COG5: variants seen among roughly 807,000 people sequenced by gnomAD.
COG5 encodes the protein conserved oligomeric Golgi complex subunit 5.
Under a neutral mutation model 110.4 loss-of-function variants are expected in COG5, and 86 were observed. The observed-to-expected ratio is 0.78, with a 90% CI of 0.65 to 0.93. COG5 has a LOEUF of 0.93. Among genes scored for constraint, COG5 ranks in the 40% least tolerant of loss-of-function variants. The pLI, the probability that COG5 is intolerant of heterozygous loss-of-function variation, is 0.00. For synonymous variants in COG5, 360 were observed against 334.6 expected (o/e 1.08, Z -0.83); for missense variants, 1,077 against 987.0 (o/e 1.09, Z -1.22).
intron 12 of COG5, among the ~76,000 whole-genome samples, chr7:107,291,463 T>TAA (rs1806166814): frequency 6.6e-6 from 1 of 152,202 alleles, no homozygotes; most frequent in Admixed American, 6.5e-5. Context: ...GCTTTTTATC[T>TAA]GTTTAGTGAT....
chr7:107,321,103 G>A (rs1354853430), intron 11 of COG5, among the ~76,000 whole-genome samples: 1 of 151,998 alleles, frequency 6.6e-6, no homozygotes, highest in Non-Finnish European at 1.5e-5. Context: ...ATAACTACTA[G>A]AATAAGTAAG....
Position 107,522,384 on chromosome 7 carries a change from C to T in COG5, c.538+4853G>A, listed in dbSNP as rs566533348. On this transcript the variant is annotated intron_variant, in intron 6 of 21. Coordinates refer to ENST00000297135, the MANE Select transcript of COG5 (RefSeq NM_006348.5). ...TCAGGAGGCTGAGGCAAGAGAGTCG[C>T]TTGAACCCAGGAGGCGGAGGTTGCG... is the stretch of plus-strand genomic sequence containing the variant. 1.6e-4 allele frequency among the ~76,000 whole-genome samples: 24 copies of T among 152,268 alleles called. No individual in the cohort carries two copies. The South Asian group carries it at 5.0e-3, about 31-fold the overall frequency.
At chr7:107,419,907 A>G (rs1236050880) in intron 6 of COG5, among the ~76,000 whole-genome samples, 1 of 152,238 alleles carries the variant, frequency 6.6e-6, no homozygotes, top group Non-Finnish European at 1.5e-5. Flanking sequence ...ACCAAAGCCT[A>G]TTAAATAACA....
intron 7 of COG5, among the ~76,000 whole-genome samples, chr7:107,393,300 C>T (rs1235265281): frequency 6.6e-6 from 1 of 152,148 alleles, no homozygotes; most frequent in Non-Finnish European, 1.5e-5. Context: ...TCCCTCTTTA[C>T]AAAACCACTC....
intron 18 of COG5, among the ~76,000 whole-genome samples, chr7:107,234,330 G>A (rs1361106249): frequency 6.6e-6 from 1 of 152,128 alleles, no homozygotes; most frequent in Non-Finnish European, 1.5e-5. Flanking sequence ...TTAAGGGAAG[G>A]GACCCAGAAA....
chr7:107,548,067 C>G (rs1371818354), intron 5 of COG5, 44 bp downstream of exon 5: 1 of 1,527,366 alleles, frequency 6.5e-7, no homozygotes, highest in South Asian at 1.1e-5. Flanking sequence ...CTTATGAAAA[C>G]AAAATGAATA....
chr7:107,408,345 A>G (rs984605750), intron 7 of COG5, among the ~76,000 whole-genome samples: 1 of 152,206 alleles, frequency 6.6e-6, no homozygotes, highest in Non-Finnish European at 1.5e-5. Context: ...CTGATTTCCA[A>G]GTTTTCCAGT....
intron 11 of COG5, among the ~76,000 whole-genome samples, chr7:107,318,716 C>T (rs114556164): frequency 0.016 from 2,370 of 152,190 alleles, 60 homozygotes; most frequent in African/African-American, 0.055. Context: ...TAAGCTCTCT[C>T]GCGTCACTTC....
intron 5 of COG5, among the ~76,000 whole-genome samples, chr7:107,543,769 C>A (rs927135676): frequency 3.9e-5 from 6 of 152,158 alleles, no homozygotes; most frequent in Admixed American, 3.9e-4. Context: ...CCAAGCCTGC[C>A]CTACGGGTCC....
chr7:107,366,907 T>G (rs147339148), intron 8 of COG5, among the ~76,000 whole-genome samples: 21 of 152,196 alleles, frequency 1.4e-4, no homozygotes, highest in Admixed American at 1.4e-3. Context: ...AAAAGGTGCA[T>G]TCTGACCAAC....
rs919206639 is a variant in COG5, at chr7:107,495,732, T to C, written c.538+31505A>G. Among the ~76,000 whole-genome samples, 7 of 152,074 alleles carry C rather than the reference T, an allele frequency of 4.6e-5. No homozygotes were observed. In the East Asian group the frequency reaches 9.7e-4, roughly 21 times the overall value. ...GATGCATGTTGCAATCTCCAGTGAA[T>C]TTCTAAGAATTACAGTGTAATTCTT... On this transcript the variant is annotated intron_variant, in intron 6 of 21. Transcript: ENST00000297135.
chr7:107,318,843 G>T (rs962867885), intron 11 of COG5, among the ~76,000 whole-genome samples: 1 of 152,208 alleles, frequency 6.6e-6, no homozygotes, highest in Admixed American at 6.5e-5. Flanking sequence ...TAGGGCTTCA[G>T]TGTATGAATT....
At chr7:107,423,350 C>T (rs1021127361) in intron 6 of COG5, among the ~76,000 whole-genome samples, 10 of 152,058 alleles carry the variant, frequency 6.6e-5, no homozygotes, top group Admixed American at 3.3e-4. Flanking sequence ...GACATATCAT[C>T]GTGGAAAACT....
intron 21 of COG5, among the ~76,000 whole-genome samples, chr7:107,204,482 T>A (rs1798605441): frequency 6.6e-6 from 1 of 152,210 alleles, no homozygotes; most frequent in South Asian, 2.1e-4. Context: ...TTGGTCTATT[T>A]AAGTACCAGG....
intron 16 of COG5, among the ~76,000 whole-genome samples, chr7:107,250,777 G>C (rs767621601): frequency 2.0e-5 from 3 of 152,062 alleles, no homozygotes; most frequent in African/African-American, 4.8e-5. Flanking sequence ...AGAATTATAC[G>C]TAGAGATGAC....
At chr7:107,363,406 C>A (rs1387884114) in intron 8 of COG5, among the ~76,000 whole-genome samples, 1 of 152,070 alleles carries the variant, frequency 6.6e-6, no homozygotes, top group Non-Finnish European at 1.5e-5. Context: ...GGGGCTTCCA[C>A]AACACAAATT....
intron 6 of COG5, among the ~76,000 whole-genome samples, chr7:107,494,665 C>T (rs1387902173): frequency 1.3e-5 from 2 of 152,182 alleles, no homozygotes; most frequent in Non-Finnish European, 1.5e-5. Flanking sequence ...CCTAAAGACA[C>T]ATTTCTCAGA....
chr7:107,218,449 AT>A (rs1799674847), intron 19 of COG5, among the ~76,000 whole-genome samples: 1 of 152,144 alleles, frequency 6.6e-6, no homozygotes, highest in Non-Finnish European at 1.5e-5. Flanking sequence ...ATTTTAAACT[AT>A]ATTACAGAGC....
At chr7:107,391,070 G>T (rs188400103) in intron 7 of COG5, among the ~76,000 whole-genome samples, 11 of 152,194 alleles carry the variant, frequency 7.2e-5, no homozygotes, top group African/African-American at 2.2e-4. Flanking sequence ...GACCATCCAC[G>T]GATGCATGAT....
Sources: allele counts gnomAD v4.1 joint callset (sites outside exome capture counted in the v4.1 genomes callset), GRCh38; gene constraint gnomAD v4.1.1; transcripts MANE v1.5; gene names NCBI Gene and HGNC (gene_info 2026-07-23, HGNC 2026-07-21).